The following DVL2 variants were observed in gnomAD, a reference collection of about 807,000 sequenced individuals.
DVL2 encodes dishevelled segment polarity protein 2, also known as segment polarity protein dishevelled homolog DVL-2.
A neutral mutation model predicts 69.8 loss-of-function variants in DVL2; 38 were observed. The ratio of observed to expected loss-of-function variants is 0.54; its 90% confidence interval spans 0.42 to 0.71. DVL2 has a LOEUF of 0.71. DVL2 is among the 30% of genes least tolerant of loss of function. The probability of loss-of-function intolerance (pLI) is 0.00; values close to 1 mark genes in which losing one functional copy is unlikely to be tolerated. For missense variants in DVL2, 931 were observed against 1,008.1 expected (o/e 0.92, Z 1.04); for synonymous variants, 428 against 392.4 (o/e 1.09, Z -1.07).
chr17:7,230,611 G>C, intron 2 of DVL2, 117 bp downstream of exon 2: 3 of 1,315,780 alleles, frequency 2.3e-6, no homozygotes, highest in Non-Finnish European at 3.2e-6. Flanking sequence ...AAACAGACAG[G>C]AGGTAAAGAG....
Position 7,229,063 on chromosome 17 carries a change from T to G in DVL2, c.958-18A>C. 6.2e-7 allele frequency: 1 copy of G among 1,614,142 alleles called. No homozygotes were observed. ...TCATTCACCTGGAAGCGACGGCAAG[T>G]GGGTCAGAGACACGGTGGGAGAGGC... On this transcript the variant is annotated intron_variant, in intron 8 of 14. Coordinates refer to ENST00000005340, the MANE Select transcript of DVL2 (RefSeq NM_004422.3). The surrounding 1 kb of genome is among the most constrained non-coding windows in gnomAD (Gnocchi z 4.4).
rs2071435956 is a variant in DVL2, at chr17:7,225,880, A to C, written c.2196T>G (p.Phe732Leu). 6.2e-7 allele frequency: 1 copy of C among 1,613,854 alleles called. No individual in the cohort carries two copies. Among genetic ancestry groups the C allele is most frequent in the East Asian group, 2.2e-5 (1 of 44,856 alleles). ...HMAMGNPSEF[F>L]VDVM ...CCACAGTGGGCTACATAACATCCAC[A>C]AAGAACTCGCTGGGATTGCCCATGG... Residue 732 changes from phenylalanine (F) to leucine (L), a missense_variant, in exon 15 of 15, where the codon TTT becomes TTG. Physicochemically the swap from Phe to Leu is conservative, Grantham distance 22 (BLOSUM62 0). Around this residue, in one of 3 missense-constraint regions of DVL2, gnomAD observed 314 missense variants for 313.7 expected, o/e 1.00. Transcript: ENST00000005340.
chr17:7,232,241 C>T (rs1381297621), intron 1 of DVL2, among the ~76,000 whole-genome samples: 2 of 152,218 alleles, frequency 1.3e-5, no homozygotes, highest in East Asian at 3.8e-4. Context: ...AGTTGTTCCT[C>T]TCTCTCTTTC....
Position 7,229,163 on chromosome 17 carries a change from C to T in DVL2, c.929G>A (p.Arg310His), listed in dbSNP as rs866201678. The T allele has an allele frequency of 1.9e-6, 3 of 1,614,122 alleles. No individual in the cohort carries two copies. The highest frequency in any genetic ancestry group is 2.5e-6 in the Non-Finnish European group (3 of 1,179,984). The change falls in exon 8 of 15, where the codon CGC becomes CAC. Residue 310 changes from arginine to histidine, a missense_variant. Transcript: ENST00000005340. The surrounding 1 kb of genome is among the most constrained non-coding windows in gnomAD (Gnocchi z 4.4). ...MKGGAVAADGRIEPGDMLLQV... is the reference protein window; with the variant it reads ...MKGGAVAADGHIEPGDMLLQV... Reference sequence around the variant, plus strand: ...CAAAAGCATGTCCCCTGGCTCAATGCGCCCGTCGGCCGCCACAGCCCCACC... The same window carrying T: ...CAAAAGCATGTCCCCTGGCTCAATGTGCCCGTCGGCCGCCACAGCCCCACC...
In DVL2 at chr17:7,226,297, C is replaced by T. The variant is rs2071445993; in HGVS notation, c.1779G>A (p.Gly593=). 1.9e-6 allele frequency: 3 copies of T among 1,572,186 alleles called. No homozygotes were observed. Among genetic ancestry groups the T allele is most frequent in the Admixed American group, 1.9e-5 (1 of 53,228 alleles). The part of the protein sequence containing the change: ...SQHSEGSRSS[G]STRSDGGAGR... ...CTGCCCCCCCATCACTCCGTGTCGA[C>T]CCACTGCTCCGGCTGCCTGTGGAGG... Residue 593 remains glycine (G), a synonymous_variant, in exon 15 of 15, where the codon GGG becomes GGA. Transcript: ENST00000005340.
In DVL2 at chr17:7,225,822, T is replaced by TCA. The variant is rs769765897; in HGVS notation, c.*41_*42dup. ...AGCACATGACGGCCAGGACACCCAG[T>TCA]CACACACCAGGAGCGCCCGGCCCAG... On this transcript the variant is annotated 3_prime_UTR_variant, in exon 15 of 15. Coordinates refer to ENST00000005340, the MANE Select transcript of DVL2 (RefSeq NM_004422.3). 3.6e-5 allele frequency: 56 copies of TCA among 1,553,830 alleles called. No homozygotes were observed. The highest frequency in any genetic ancestry group is 4.7e-5 in the Non-Finnish European group (53 of 1,127,716).
chr17:7,227,267 A>C lies in DVL2; in HGVS notation c.1366T>G (p.Ser456Ala). ...KITIPNAFLG[S>A]DVVDWLYHHV... ...TGGTAGAGCCAGTCAACCACATCCGAGCCTGGGAGCACCCACAGTGGAAAA... is the reference window on the plus strand; with the variant it reads ...TGGTAGAGCCAGTCAACCACATCCGCGCCTGGGAGCACCCACAGTGGAAAA... The change falls in exon 13 of 15, where the codon TCG (serine) becomes GCG (alanine). Residue 456 changes from serine to alanine, a missense_variant and splice_region_variant. By Grantham distance (99) the Ser-to-Ala change is moderately conservative. Transcript: ENST00000005340. The C allele has an allele frequency of 6.2e-7, 1 of 1,607,520 alleles. No individual in the cohort carries two copies. The highest frequency in any genetic ancestry group is 8.5e-7 in the Non-Finnish European group (1 of 1,175,508).
At position 7,229,174 on chromosome 17, in the gene DVL2, C is replaced by T. The variant is rs147248929; in HGVS notation, c.918G>A (p.Ala306=). The T allele has an allele frequency of 8.1e-6, 13 of 1,614,068 alleles. No individual in the cohort carries two copies. The highest frequency in any genetic ancestry group is 4.0e-5 in the African/African-American group (3 of 74,930). ...CCCCTGGCTCAATGCGCCCGTCGGC[C>T]GCCACAGCCCCACCCTTCATGATGG... is the stretch of plus-strand genomic sequence containing the variant. ...IGSIMKGGAV[A]ADGRIEPGDM... is the part of the protein sequence containing the mutation. The change falls in exon 8 of 15, where the codon GCG becomes GCA. Residue 306 remains alanine, a synonymous_variant. Transcript: ENST00000005340. The surrounding 1 kb of genome is among the most constrained non-coding windows in gnomAD (Gnocchi z 4.4).
At chr17:7,232,583 T>C (rs1198040690) in intron 1 of DVL2, among the ~76,000 whole-genome samples, 1 of 152,256 alleles carries the variant, frequency 6.6e-6, no homozygotes, top group Non-Finnish European at 1.5e-5. Flanking sequence ...TCTGTGATTT[T>C]CTCCATGTCA....
chr17:7,226,728 TCCCAGA>T (rs1408436715), intron 13 of DVL2, 89 bp from the exon 14 acceptor site: 1 of 1,050,804 alleles, frequency 9.5e-7, no homozygotes, highest in Non-Finnish European at 1.3e-6. Flanking sequence ...GGAACAGTTC[TCCCAGA>T]CCCACCCACG....
At chr17:7,233,837 A>G in intron 1 of DVL2, 2 of 596,500 alleles carry the variant, frequency 3.4e-6, no homozygotes, top group Non-Finnish European at 3.0e-6. Flanking sequence ...ATTCCAGTAA[A>G]GCCTAATCTT....
chr17:7,227,353 G>A, intron 12 of DVL2, 51 bp downstream of exon 12: 1 of 1,605,088 alleles, frequency 6.2e-7, no homozygotes, highest in East Asian at 2.2e-5. Flanking sequence ...TCCTGGCTTT[G>A]GTCACCACCT....
At chr17:7,228,887 AG>A (rs1409964858) in intron 9 of DVL2, 81 bp downstream of exon 9, 2 of 1,434,802 alleles carry the variant, frequency 1.4e-6, no homozygotes, top group Non-Finnish European at 1.9e-6. Flanking sequence ...CGGCTGTCTT[AG>A]TACTTATTAA....
rs2142993016 is a variant in DVL2 at position 7,229,701 on chromosome 17, A to T, written c.657-23T>A. 6.4e-7 allele frequency: 1 copy of T among 1,559,214 alleles called. No homozygotes were observed. The highest frequency in any genetic ancestry group is 1.2e-5 in the South Asian group (1 of 82,816). Reference sequence around the variant, plus strand: ...AACCTACCAGGAGGTTGGGAAGGAGAGCAAACGTAGGCCAAAGTGGTCATG... The same window carrying T: ...AACCTACCAGGAGGTTGGGAAGGAGTGCAAACGTAGGCCAAAGTGGTCATG... On this transcript the variant is annotated intron_variant, in intron 5 of 14. Coordinates refer to ENST00000005340, the MANE Select transcript of DVL2 (RefSeq NM_004422.3). This position sits in a 1 kb window ranked among gnomAD's most constrained non-coding sequence, Gnocchi z 4.4.
In DVL2 at chr17:7,225,807, G is replaced by T. The variant is rs996082042; in HGVS notation, c.*58C>A. ...GGCACTGTAAGAGCAAGCACATGAC[G>T]GCCAGGACACCCAGTCACACACCAG... is the stretch of plus-strand genomic sequence containing the variant. On this transcript the variant is annotated 3_prime_UTR_variant, in exon 15 of 15. Transcript: ENST00000005340. 1 of 1,463,736 alleles carries T rather than the reference G, an allele frequency of 6.8e-7. No homozygotes were observed. The highest frequency in any genetic ancestry group is 2.3e-5 in the East Asian group (1 of 44,174). 90.7% of individuals were successfully genotyped at this position (1,463,736 alleles called of 1,614,324 possible). A position where few individuals can be genotyped will look rare whatever the true frequency, so the allele number is the denominator to read the frequency against.
Position 7,229,772 on chromosome 17 carries a change from G to A in DVL2, c.656+36C>T. ...AGGATTGACTGGAAGACGAGACGGG[G>A]CTGGGTGCGCTGGGGAGAGCTGTGC... On this transcript the variant is annotated intron_variant, in intron 5 of 14. Coordinates refer to ENST00000005340, the MANE Select transcript of DVL2 (RefSeq NM_004422.3). The surrounding 1 kb of genome is among the most constrained non-coding windows in gnomAD (Gnocchi z 4.4). 6.3e-7 allele frequency: 1 copy of A among 1,595,156 alleles called. No homozygotes were observed. Among genetic ancestry groups the A allele is most frequent in the Non-Finnish European group, 8.6e-7 (1 of 1,166,824 alleles).
rs573891683 is a variant in DVL2, at chr17:7,231,796, A to G, written c.195-999T>C. 2.2e-4 allele frequency among the ~76,000 whole-genome samples: 33 copies of G among 149,974 alleles called. No individual in the cohort carries two copies. The South Asian group carries it at 3.7e-3, about 17-fold the overall frequency. Reference sequence around the variant, plus strand: ...GAGAATCGCTTGAACCCAGTAGGCGAAGGTTGCAGTGAGCTGAGATTGCGC... The same window carrying G: ...GAGAATCGCTTGAACCCAGTAGGCGGAGGTTGCAGTGAGCTGAGATTGCGC... On this transcript the variant is annotated intron_variant, in intron 1 of 14. Transcript: ENST00000005340.
intron 1 of DVL2, among the ~76,000 whole-genome samples, chr17:7,233,762 G>A (rs960473772): frequency 7.9e-5 from 12 of 152,126 alleles, no homozygotes; most frequent in Admixed American, 4.6e-4. Context: ...TAAACAACCA[G>A]ACAATGGATC....
At chr17:7,233,997 C>T (rs2142994614) in intron 1 of DVL2, 72 bp downstream of exon 1, 2 of 1,517,824 alleles carry the variant, frequency 1.3e-6, no homozygotes, top group Non-Finnish European at 1.8e-6. Flanking sequence ...CCAAAGTAGA[C>T]GTGTGCCCCT....
Sources: gnomAD v4.1 joint callset for allele counts (sites outside exome capture counted in the v4.1 genomes callset) on GRCh38, gnomAD v4.1.1 for gene constraint, gnomAD v4.1.1 regional missense constraint, Gnocchi (gnomAD v3.1) non-coding constraint, MANE v1.5 for transcripts, NCBI Gene and HGNC (gene_info 2026-07-23, HGNC 2026-07-21) for gene names.